VOPP1: variants seen among roughly 807,000 people sequenced by gnomAD.
VOPP1 encodes the protein VOPP1 WW domain binding protein, also known as WW domain binding protein VOPP1.
Under a neutral mutation model 23.5 loss-of-function variants are expected in VOPP1, and 8 were observed. That is an observed-to-expected ratio of 0.34 (90% CI 0.20 to 0.61). The LOEUF (loss-of-function observed/expected upper bound fraction) is 0.61. VOPP1 is among the 20% of genes least tolerant of loss of function. VOPP1 has a pLI of 0.78. For missense variants in VOPP1, 174 were observed against 238.1 expected (o/e 0.73, Z 1.77); for synonymous variants, 83 against 97.3 (o/e 0.85, Z 0.86).
chr7:55,540,398 AAAATAAATAAAT>A (rs200219554), intron 1 of VOPP1, among the ~76,000 whole-genome samples: 81,494 of 141,646 alleles, frequency 0.58, 24,592 homozygotes, highest in East Asian at 0.66. Context: ...CTCTGTCTCA[AAAATAAATAAAT>A]AAATAAATAA....
At chr7:55,482,618 C>A (rs1454257475) in intron 4 of VOPP1, among the ~76,000 whole-genome samples, 1 of 151,702 alleles carries the variant, frequency 6.6e-6, no homozygotes, top group Non-Finnish European at 1.5e-5. Context: ...GGATTACAGG[C>A]GTGAGCCACC....
At chr7:55,518,110 A>C (rs1050678366) in intron 2 of VOPP1, among the ~76,000 whole-genome samples, 1 of 152,114 alleles carries the variant, frequency 6.6e-6, no homozygotes, top group African/African-American at 2.4e-5. Flanking sequence ...TTCTTATGGG[A>C]CTTCTGCACT....
intron 3 of VOPP1, among the ~76,000 whole-genome samples, chr7:55,496,143 G>C (rs2129022966): frequency 6.6e-6 from 1 of 152,346 alleles, no homozygotes; most frequent in South Asian, 2.1e-4. Context: ...TCCAATGCCT[G>C]AACGCTGACC....
chr7:55,482,727 A>T (rs1036562283), intron 4 of VOPP1, among the ~76,000 whole-genome samples: 4 of 152,144 alleles, frequency 2.6e-5, no homozygotes, highest in Admixed American at 6.5e-5. Context: ...CATACACTTG[A>T]AACACAGCTG....
intron 4 of VOPP1, 87 bp downstream of exon 4, chr7:55,492,195 A>G: frequency 6.7e-7 from 1 of 1,482,820 alleles, no homozygotes. Flanking sequence ...CTCTTCTGGC[A>G]GTACCCTTTC....
chr7:55,435,332 G>A (rs536143919), downstream of VOPP1, among the ~76,000 whole-genome samples: 1 of 152,224 alleles, frequency 6.6e-6, no homozygotes, highest in African/African-American at 2.4e-5. Flanking sequence ...TGGGCCAGCC[G>A]GGCTTCAAAG....
chr7:55,440,252 C>T (rs1181310720), intron 4 of VOPP1, among the ~76,000 whole-genome samples: 1 of 152,170 alleles, frequency 6.6e-6, no homozygotes, highest in Non-Finnish European at 1.5e-5. Flanking sequence ...GAAATGCTGG[C>T]CGGGGTGGCT....
intron 4 of VOPP1, among the ~76,000 whole-genome samples, chr7:55,459,621 T>G (rs1191187547): frequency 6.6e-6 from 1 of 152,202 alleles, no homozygotes; most frequent in African/African-American, 2.4e-5. Context: ...GTCCAGGAAT[T>G]TACCCATTTC....
intron 4 of VOPP1, among the ~76,000 whole-genome samples, chr7:55,474,312 G>A (rs1792071111): frequency 6.6e-6 from 1 of 152,234 alleles, no homozygotes; most frequent in Admixed American, 6.5e-5. Context: ...AGTTTCGCAA[G>A]GGCAGAGATT....
At chr7:55,561,750 A>AG in intron 1 of VOPP1, 1 of 323,740 alleles carries the variant, frequency 3.1e-6, no homozygotes, top group Non-Finnish European at 5.7e-6. Flanking sequence ...CCCTCTTCCA[A>AG]AAAAAAAAAA....
chr7:55,481,332 CAGTGGGCCCA>C (rs1314746161), intron 4 of VOPP1, among the ~76,000 whole-genome samples: 1 of 152,216 alleles, frequency 6.6e-6, no homozygotes. Context: ...TTCTGTGGCA[CAGTGGGCCCA>C]TGAGAGTGTT....
chr7:55,532,593 A>G (rs1796559377), intron 1 of VOPP1, among the ~76,000 whole-genome samples: 1 of 152,240 alleles, frequency 6.6e-6, no homozygotes, highest in Admixed American at 6.5e-5. Flanking sequence ...AAAAACAAAC[A>G]AACAAAAAAC....
chr7:55,515,867 G>A, intron 2 of VOPP1: 2 of 670,172 alleles, frequency 3.0e-6, no homozygotes, highest in South Asian at 6.7e-5. Context: ...AGCACTTTCT[G>A]GACTGACAGG....
chr7:55,553,309 T>C (rs1269353102), intron 1 of VOPP1, among the ~76,000 whole-genome samples: 7 of 152,222 alleles, frequency 4.6e-5, no homozygotes, highest in Admixed American at 3.9e-4. Context: ...TTTTCATTTC[T>C]ACTTTTGCAG....
chr7:55,481,604 T>C (rs971532059), intron 4 of VOPP1, among the ~76,000 whole-genome samples: 3 of 152,220 alleles, frequency 2.0e-5, no homozygotes, highest in African/African-American at 7.2e-5. Flanking sequence ...CCTTTTTGAC[T>C]CAATACATCA....
At chr7:55,457,785 C>T (rs913264414) in intron 4 of VOPP1, among the ~76,000 whole-genome samples, 1 of 151,986 alleles carries the variant, frequency 6.6e-6, no homozygotes, top group Admixed American at 6.6e-5. Context: ...ATGTCCTTTG[C>T]CTACTTTTTA....
At chr7:55,529,224 G>A (rs536817937) in intron 1 of VOPP1, among the ~76,000 whole-genome samples, 4 of 152,134 alleles carry the variant, frequency 2.6e-5, no homozygotes, top group African/African-American at 4.8e-5. Flanking sequence ...CTAAAAATGG[G>A]CGTGGTGGCG....
chr7:55,553,382 T>TA (rs1347809950), intron 1 of VOPP1, among the ~76,000 whole-genome samples: 1 of 151,958 alleles, frequency 6.6e-6, no homozygotes, highest in Non-Finnish European at 1.5e-5. Context: ...GTGAGGAAAA[T>TA]AAAAAGACTA....
intron 1 of VOPP1, among the ~76,000 whole-genome samples, chr7:55,568,654 C>T (rs1316264625): frequency 2.0e-5 from 3 of 152,158 alleles, no homozygotes; most frequent in Non-Finnish European, 4.4e-5. Context: ...AAAGTGTAAC[C>T]AACCAAACCT....
Sources: gnomAD v4.1 joint callset for allele counts (sites outside exome capture counted in the v4.1 genomes callset) on GRCh38, gnomAD v4.1.1 for gene constraint, MANE v1.5 for transcripts, NCBI Gene and HGNC (gene_info 2026-07-23, HGNC 2026-07-21) for gene names.